TAFA1: variants seen among roughly 807,000 people sequenced by gnomAD.
TAFA1 encodes the protein chemokine-like protein TAFA-1.
In TAFA1, 4 loss-of-function variants were observed where a neutral mutation model predicts 18.5. That is an observed-to-expected ratio of 0.22 (90% CI 0.11 to 0.49). The LOEUF is 0.49. Ranked by LOEUF, TAFA1 falls within the 20% of genes least tolerant of loss-of-function variation. TAFA1 has a pLI of 0.98. For synonymous variants in TAFA1, 56 were observed against 55.2 expected (o/e 1.01, Z -0.06); for missense variants, 147 against 169.0 (o/e 0.87, Z 0.72).
chr3:68,336,000 G>C (rs771785898), intron 2 of TAFA1, among the ~76,000 whole-genome samples: 1 of 148,742 alleles, frequency 6.7e-6, no homozygotes, highest in African/African-American at 2.4e-5. Flanking sequence ...AAAAGTGGCA[G>C]GTTATTAAGA....
chr3:68,238,017 G>A (rs1559570839), intron 2 of TAFA1, among the ~76,000 whole-genome samples: 1 of 151,726 alleles, frequency 6.6e-6, no homozygotes, highest in Admixed American at 6.6e-5. Context: ...TTCCATGAAG[G>A]CGAAGGCCAG....
intron 2 of TAFA1, among the ~76,000 whole-genome samples, chr3:68,350,797 T>C (rs992804106): frequency 5.3e-5 from 8 of 152,110 alleles, no homozygotes; most frequent in African/African-American, 1.9e-4. Flanking sequence ...TAATAAGTAG[T>C]CGTGTGGCCG....
At chr3:68,290,706 A>G (rs1477608293) in intron 2 of TAFA1, among the ~76,000 whole-genome samples, 1 of 152,172 alleles carries the variant, frequency 6.6e-6, no homozygotes, top group African/African-American at 2.4e-5. Context: ...GTCAAAAGAT[A>G]TATCTAATTT....
chr3:68,450,629 C>T (rs761801922), intron 3 of TAFA1, among the ~76,000 whole-genome samples: 9 of 152,052 alleles, frequency 5.9e-5, no homozygotes, highest in Non-Finnish European at 8.8e-5. Context: ...TTATGGAGAC[C>T]AAGGAAGTAG....
intron 2 of TAFA1, among the ~76,000 whole-genome samples, chr3:68,137,478 C>T (rs76223744): frequency 1.4e-3 from 209 of 152,142 alleles, no homozygotes; most frequent in African/African-American, 4.4e-3. Context: ...GAAGTGGGAC[C>T]GTGCAATACT....
At chr3:68,364,033 A>G (rs1026417634) in intron 2 of TAFA1, among the ~76,000 whole-genome samples, 21 of 152,300 alleles carry the variant, frequency 1.4e-4, no homozygotes, top group African/African-American at 4.6e-4. Flanking sequence ...TCAGAAATGA[A>G]GATTGCACAG....
chr3:68,061,038 C>T (rs1422292216), intron 2 of TAFA1, among the ~76,000 whole-genome samples: 1 of 152,146 alleles, frequency 6.6e-6, no homozygotes, highest in South Asian at 2.1e-4. Context: ...CTCTCTGGAT[C>T]TCTTTCTCAG....
chr3:68,236,037 G>A (rs1024086136), intron 2 of TAFA1, among the ~76,000 whole-genome samples: 11 of 152,142 alleles, frequency 7.2e-5, no homozygotes, highest in East Asian at 1.9e-4. Context: ...ACTGGAAGTC[G>A]CAATTAACTT....
chr3:68,469,819 CA>C (rs2106944432), intron 3 of TAFA1, among the ~76,000 whole-genome samples: 1 of 152,264 alleles, frequency 6.6e-6, no homozygotes, highest in South Asian at 2.1e-4. Context: ...AACCTTGTAC[CA>C]GTGATGGGCT....
At chr3:68,304,155 C>A (rs74344310) in intron 2 of TAFA1, among the ~76,000 whole-genome samples, 284 of 152,138 alleles carry the variant, frequency 1.9e-3, no homozygotes, top group African/African-American at 4.5e-3. Flanking sequence ...CATCCTGTTG[C>A]ATATTAAAAT....
chr3:68,200,050 G>T (rs548624985), intron 2 of TAFA1, among the ~76,000 whole-genome samples: 2 of 151,486 alleles, frequency 1.3e-5, no homozygotes, highest in Non-Finnish European at 3.0e-5. Flanking sequence ...AATCATAAAT[G>T]GATGTTGGAT....
At chr3:68,353,258 A>C (rs1397955085) in intron 2 of TAFA1, among the ~76,000 whole-genome samples, 2 of 152,102 alleles carry the variant, frequency 1.3e-5, no homozygotes, top group African/African-American at 4.8e-5. Flanking sequence ...CTTTGGACAA[A>C]CAAGGAGTCT....
intron 2 of TAFA1, among the ~76,000 whole-genome samples, chr3:68,073,895 C>G (rs1458312580): frequency 6.6e-6 from 1 of 152,086 alleles, no homozygotes; most frequent in African/African-American, 2.4e-5. Flanking sequence ...ACAATTTTTC[C>G]AAGACCTGGG....
chr3:68,259,073 T>C (rs2067355845), intron 2 of TAFA1, among the ~76,000 whole-genome samples: 1 of 152,166 alleles, frequency 6.6e-6, no homozygotes, highest in Admixed American at 6.6e-5. Flanking sequence ...CCACAGATGC[T>C]GACTCAGTGA....
chr3:68,477,011 C>A (rs1258691393), intron 3 of TAFA1, among the ~76,000 whole-genome samples: 2 of 152,106 alleles, frequency 1.3e-5, no homozygotes, highest in African/African-American at 4.8e-5. Context: ...ATCTCAGAGA[C>A]CCCCATGTGT....
chr3:68,208,625 A>C (rs1258658946), intron 2 of TAFA1, among the ~76,000 whole-genome samples: 1 of 152,010 alleles, frequency 6.6e-6, no homozygotes, highest in Non-Finnish European at 1.5e-5. Flanking sequence ...TTTGGCAAGA[A>C]AGTAAGGCCA....
chr3:68,320,246 G>A (rs1491754), intron 2 of TAFA1, among the ~76,000 whole-genome samples: 67,718 of 151,884 alleles, frequency 0.45, 16,134 homozygotes, highest in Non-Finnish European at 0.52. Context: ...GCTTTGGTTT[G>A]TGGCCACAAC....
chr3:68,227,061 C>A (rs997047977), intron 2 of TAFA1, among the ~76,000 whole-genome samples: 1 of 152,226 alleles, frequency 6.6e-6, no homozygotes, highest in East Asian at 1.9e-4. Flanking sequence ...CAGATGCACA[C>A]AAATGAAACA....
At chr3:68,398,094 A>G (rs2106736847) in intron 2 of TAFA1, among the ~76,000 whole-genome samples, 1 of 152,044 alleles carries the variant, frequency 6.6e-6, no homozygotes, top group South Asian at 2.1e-4. Context: ...GGAATAAAAA[A>G]AAGAGCCCGT....
Sources: allele counts gnomAD v4.1 joint callset (sites outside exome capture counted in the v4.1 genomes callset), GRCh38; gene constraint gnomAD v4.1.1; transcripts MANE v1.5; gene names NCBI Gene and HGNC (gene_info 2026-07-23, HGNC 2026-07-21).